Variants in RPRD1B observed in about 807,000 individuals in gnomAD.
RPRD1B encodes the protein regulation of nuclear pre-mRNA domain containing 1B.
A neutral mutation model predicts 41.5 loss-of-function variants in RPRD1B; 11 were observed. The observed-to-expected ratio is 0.27, with a 90% CI of 0.17 to 0.44. The LOEUF is 0.44. Ranked by LOEUF, RPRD1B falls within the 20% of genes least tolerant of loss-of-function variation. The pLI, the probability that RPRD1B is intolerant of heterozygous loss-of-function variation, is 1.00. For synonymous variants in RPRD1B, 158 were observed against 155.6 expected (o/e 1.02, Z -0.12); for missense variants, 248 against 389.9 (o/e 0.64, Z 3.06).
chr20:38,089,318 G>A (rs2074591466), intron 6 of RPRD1B, among the ~76,000 whole-genome samples: 2 of 152,096 alleles, frequency 1.3e-5, no homozygotes, highest in Admixed American at 6.5e-5. Flanking sequence ...AACATAGGAA[G>A]TATAACTTCA....
intron 2 of RPRD1B, among the ~76,000 whole-genome samples, chr20:38,043,968 A>G (rs2074095207): frequency 6.6e-6 from 1 of 152,184 alleles, no homozygotes; most frequent in South Asian, 2.1e-4. Context: ...TTCTGGAGAC[A>G]TAAATTTGAG....
chr20:38,077,370 G>T (rs960495913), intron 6 of RPRD1B, among the ~76,000 whole-genome samples: 1 of 152,068 alleles, frequency 6.6e-6, no homozygotes, highest in Admixed American at 6.5e-5. Flanking sequence ...GTATGGCTGC[G>T]ACAGACTGTC....
intron 6 of RPRD1B, among the ~76,000 whole-genome samples, chr20:38,087,353 A>G (rs1005078295): frequency 1.3e-4 from 20 of 152,196 alleles, no homozygotes; most frequent in Non-Finnish European, 1.9e-4. Context: ...TTTAACTTCA[A>G]TGAACTTGCC....
chr20:38,090,509 C>G lies in RPRD1B; in HGVS notation c.*634C>G. 1 of 985,922 alleles carries G rather than the reference C, an allele frequency of 1.0e-6. No individual in the cohort carries two copies. Among genetic ancestry groups the G allele is most frequent in the Non-Finnish European group, 1.2e-6 (1 of 829,972 alleles). The allele number at this position is 985,922 out of a possible 1,614,324, so 61.1% of individuals were successfully genotyped here. A position where few individuals can be genotyped will look rare whatever the true frequency, so the allele number is the denominator to read the frequency against. Reference sequence around the variant, plus strand: ...TCTAGCAATAAGATTCAAAGCTAATCTGGAGCATAAAGGCACAGTTCAGAG... The same window carrying G: ...TCTAGCAATAAGATTCAAAGCTAATGTGGAGCATAAAGGCACAGTTCAGAG... On this transcript the variant is annotated 3_prime_UTR_variant, in exon 7 of 7. Transcript: ENST00000373433.
At chr20:38,034,193 C>T (rs549154170) in intron 1 of RPRD1B, 95 bp downstream of exon 1, 3 of 1,320,568 alleles carry the variant, frequency 2.3e-6, no homozygotes, top group African/African-American at 1.5e-5. Context: ...TTGAGCCTTG[C>T]TTTCCAGGCC....
At chr20:38,050,581 A>G (rs1165573607) in intron 3 of RPRD1B, among the ~76,000 whole-genome samples, 2 of 152,202 alleles carry the variant, frequency 1.3e-5, no homozygotes, top group Non-Finnish European at 2.9e-5. Context: ...TTTAATGTAC[A>G]TTTGCTGGAC....
chr20:38,043,529 G>A (rs1402680346), intron 2 of RPRD1B, among the ~76,000 whole-genome samples: 1 of 152,044 alleles, frequency 6.6e-6, no homozygotes, highest in Admixed American at 6.5e-5. Context: ...TTAGTGTAGA[G>A]GGATGGATTG....
chr20:38,048,632 T>C, intron 3 of RPRD1B, 151 bp downstream of exon 3: 1 of 1,407,520 alleles, frequency 7.1e-7, no homozygotes. Context: ...AGAATTTATG[T>C]AGTGCTCACA....
chr20:38,065,167 A>T (rs557059374), intron 5 of RPRD1B, among the ~76,000 whole-genome samples: 1 of 152,314 alleles, frequency 6.6e-6, no homozygotes, highest in African/African-American at 2.4e-5. Flanking sequence ...ATGTAGGAAG[A>T]AGTTCATCCC....
At chr20:38,071,074 C>T (rs575519683) in intron 6 of RPRD1B, among the ~76,000 whole-genome samples, 9 of 152,246 alleles carry the variant, frequency 5.9e-5, no homozygotes, top group South Asian at 2.1e-4. Flanking sequence ...TGACTGTCAG[C>T]GATCTAGAAC....
chr20:38,078,230 T>C (rs1273770912), intron 6 of RPRD1B, among the ~76,000 whole-genome samples: 1 of 152,012 alleles, frequency 6.6e-6, no homozygotes, highest in Non-Finnish European at 1.5e-5. Context: ...GCCCTATGAC[T>C]TGGCCCCTGC....
intron 6 of RPRD1B, among the ~76,000 whole-genome samples, chr20:38,081,939 GTGC>G (rs1363388500): frequency 6.6e-6 from 1 of 152,172 alleles, no homozygotes; most frequent in African/African-American, 2.4e-5. Flanking sequence ...GCTTTTTGAT[GTGC>G]TGCTGGATTT....
chr20:38,071,522 A>G (rs1320119619), intron 6 of RPRD1B, among the ~76,000 whole-genome samples: 2 of 152,160 alleles, frequency 1.3e-5, no homozygotes, highest in Admixed American at 6.5e-5. Context: ...TTGTGTGGCC[A>G]TATCTTTTCA....
chr20:38,084,290 C>T (rs1249565828), intron 6 of RPRD1B, among the ~76,000 whole-genome samples: 2 of 152,030 alleles, frequency 1.3e-5, no homozygotes, highest in Admixed American at 6.6e-5. Flanking sequence ...GCTTCGTGCA[C>T]GATAACCCTT....
chr20:38,083,196 A>G (rs2074530484), intron 6 of RPRD1B, among the ~76,000 whole-genome samples: 1 of 151,834 alleles, frequency 6.6e-6, no homozygotes, highest in East Asian at 1.9e-4. Context: ...TACATTTTTG[A>G]TGGTTTACTT....
chr20:38,053,580 A>G (rs2074210748), intron 3 of RPRD1B, among the ~76,000 whole-genome samples: 1 of 152,220 alleles, frequency 6.6e-6, no homozygotes, highest in Admixed American at 6.5e-5. Flanking sequence ...GCCATTTGTC[A>G]TCATTAGGCT....
Position 38,091,398 on chromosome 20 carries a change from C to T in RPRD1B, c.*1523C>T. 1.0e-6 allele frequency: 1 copy of T among 985,270 alleles called. No homozygotes were observed. Among genetic ancestry groups the T allele is most frequent in the Non-Finnish European group, 1.2e-6 (1 of 829,848 alleles). 61.0% of individuals were successfully genotyped at this position (985,270 alleles called of 1,614,324 possible). A position where few individuals can be genotyped will look rare whatever the true frequency, so the allele number is the denominator to read the frequency against. ...TCTCCTGCTTGTCATGAAGTGAGAA[C>T]AATGAAAAGTCATAGCAGATACTCA... is the stretch of plus-strand genomic sequence containing the variant. On this transcript the variant is annotated 3_prime_UTR_variant, in exon 7 of 7. Transcript: ENST00000373433.
At chr20:38,041,169 T>G in intron 2 of RPRD1B, among the ~76,000 whole-genome samples, 1 of 152,330 alleles carries the variant, frequency 6.6e-6, no homozygotes, top group Admixed American at 6.5e-5. Context: ...TTTTATAAAT[T>G]ACTTTACTTC....
chr20:38,066,446 C>G (rs943200642), intron 6 of RPRD1B, among the ~76,000 whole-genome samples, 190 bp downstream of exon 6: 1 of 152,142 alleles, frequency 6.6e-6, no homozygotes, highest in African/African-American at 2.4e-5. Context: ...TCTTATATGT[C>G]CAGGACAGAA....
Sources: gnomAD v4.1 joint callset for allele counts (sites outside exome capture counted in the v4.1 genomes callset) on GRCh38, gnomAD v4.1.1 for gene constraint, MANE v1.5 for transcripts, NCBI Gene and HGNC (gene_info 2026-07-23, HGNC 2026-07-21) for gene names.